Variants in ERC2 observed in about 807,000 individuals in gnomAD.
ERC2 encodes the protein ERC protein 2.
A neutral mutation model predicts 114.8 loss-of-function variants in ERC2; 42 were observed. That is an observed-to-expected ratio of 0.37 (90% CI 0.29 to 0.47). The LOEUF (loss-of-function observed/expected upper bound fraction) is 0.47, where lower values mean the gene tolerates loss of function less well. ERC2 is among the 20% of genes least tolerant of loss of function. The pLI is 0.99. For missense variants in ERC2, 939 were observed against 1,150.7 expected, an observed-to-expected ratio of 0.82 and a Z score of 2.66; for synonymous variants, 454 against 425.5, an observed-to-expected ratio of 1.07 and a Z score of -0.82.
chr3:55,747,052 C>A (rs1214067836), intron 14 of ERC2, among the ~76,000 whole-genome samples: 1 of 152,090 alleles, frequency 6.6e-6, no homozygotes, highest in African/African-American at 2.4e-5. Context: ...TCTGTAGTTA[C>A]ATCTCTAATA....
intron 14 of ERC2, among the ~76,000 whole-genome samples, chr3:55,810,319 A>G (rs981046274): frequency 1.3e-5 from 2 of 152,162 alleles, no homozygotes; most frequent in South Asian, 4.1e-4. Flanking sequence ...AAATATTTCT[A>G]TCTTTTTCTC....
intron 14 of ERC2, among the ~76,000 whole-genome samples, chr3:55,870,061 A>G (rs941766763): frequency 6.6e-6 from 1 of 151,264 alleles, no homozygotes; most frequent in African/African-American, 2.4e-5. Context: ...AAGTTGTTAT[A>G]GTATAAAAAA....
At chr3:55,966,093 G>A (rs1156479363) in intron 12 of ERC2, among the ~76,000 whole-genome samples, 1 of 152,122 alleles carries the variant, frequency 6.6e-6, no homozygotes, top group Non-Finnish European at 1.5e-5. Flanking sequence ...ACTAGCTCTA[G>A]GGTATGTTAA....
rs1044547148 is a variant in ERC2, at chr3:55,508,772, T to C, written c.*2544A>G. On this transcript the variant is annotated 3_prime_UTR_variant, in exon 18 of 18. Transcript: ENST00000288221. ...ACACGCTGTTAACGTGCATACTGGA[T>C]ACACAAAAATCATTAAATACAAAAT... The C allele has an allele frequency of 6.6e-6, 1 of 152,582 alleles. No homozygotes were observed. Among genetic ancestry groups the C allele is most frequent in the African/African-American group, 2.4e-5 (1 of 41,436 alleles). The allele number at this position is 152,582 out of a possible 1,614,324, so 9.5% of individuals were successfully genotyped here. A position where few individuals can be genotyped will look rare whatever the true frequency, so the allele number is the denominator to read the frequency against.
chr3:56,323,625 A>G (rs2057225739), intron 2 of ERC2, among the ~76,000 whole-genome samples: 1 of 152,198 alleles, frequency 6.6e-6, no homozygotes, highest in Non-Finnish European at 1.5e-5. Flanking sequence ...GGGGCTGATT[A>G]TTACACTGCA....
intron 17 of ERC2, among the ~76,000 whole-genome samples, chr3:55,657,028 C>T (rs374168679): frequency 3.3e-5 from 5 of 152,034 alleles, no homozygotes; most frequent in African/African-American, 1.2e-4. Flanking sequence ...ATTCCTGGCC[C>T]CACCTTCCCT....
intron 1 of ERC2, among the ~76,000 whole-genome samples, chr3:56,444,691 T>C (rs1358604554): frequency 2.0e-5 from 3 of 152,170 alleles, no homozygotes; most frequent in African/African-American, 7.2e-5. Flanking sequence ...GAACAGTCTA[T>C]TTTAAGACAA....
intron 14 of ERC2, among the ~76,000 whole-genome samples, chr3:55,781,846 G>A (rs993648306): frequency 4.0e-5 from 6 of 150,118 alleles, no homozygotes; most frequent in East Asian, 1.9e-4. Flanking sequence ...CACTCCCGCC[G>A]GGGCAACAAG....
chr3:55,684,375 C>T (rs973248812), intron 16 of ERC2, among the ~76,000 whole-genome samples: 24 of 152,048 alleles, frequency 1.6e-4, no homozygotes, highest in African/African-American at 5.8e-4. Context: ...ACTTTTTCAG[C>T]ATGCGATAAT....
At chr3:55,964,898 G>A (rs1483370422) in intron 12 of ERC2, among the ~76,000 whole-genome samples, 2 of 152,172 alleles carry the variant, frequency 1.3e-5, no homozygotes, top group African/African-American at 4.8e-5. Context: ...TCTCTGGTCT[G>A]AAAGGCCACC....
At chr3:55,818,312 T>A (rs1335050143) in intron 14 of ERC2, among the ~76,000 whole-genome samples, 2 of 152,136 alleles carry the variant, frequency 1.3e-5, no homozygotes, top group Non-Finnish European at 2.9e-5. Flanking sequence ...TTCATCAGAA[T>A]AGAGTAGGAG....
At chr3:56,314,806 G>A (rs2056786863) in intron 2 of ERC2, among the ~76,000 whole-genome samples, 1 of 152,112 alleles carries the variant, frequency 6.6e-6, no homozygotes, top group African/African-American at 2.4e-5. Context: ...GTTGACCACT[G>A]GTTGTCTGAA....
intron 17 of ERC2, among the ~76,000 whole-genome samples, chr3:55,676,441 C>CTTATTATTATTATTATTATTA (rs71619901): frequency 1.4e-5 from 2 of 142,200 alleles, no homozygotes; most frequent in Non-Finnish European, 3.0e-5. Flanking sequence ...TACTGAGCTG[C>CTTATTATTATTATTATTATTA]TTATTATTAT....
intron 7 of ERC2, among the ~76,000 whole-genome samples, chr3:56,029,251 T>C (rs2074235026): frequency 6.6e-6 from 1 of 150,960 alleles, no homozygotes; most frequent in South Asian, 2.1e-4. Context: ...CAGTCATCTA[T>C]AGGGTTGTTC....
intron 6 of ERC2, among the ~76,000 whole-genome samples, chr3:56,126,961 C>T (rs1400921749): frequency 2.6e-5 from 4 of 151,840 alleles, no homozygotes; most frequent in Non-Finnish European, 5.9e-5. Context: ...GAACTAATCA[C>T]CAAATTCAGT....
At chr3:55,751,596 C>A (rs1454474019) in intron 14 of ERC2, among the ~76,000 whole-genome samples, 1 of 152,136 alleles carries the variant, frequency 6.6e-6, no homozygotes, top group Non-Finnish European at 1.5e-5. Flanking sequence ...CTTCAATTAT[C>A]TGCTAGAGTA....
intron 14 of ERC2, among the ~76,000 whole-genome samples, chr3:55,823,780 T>G (rs1019308912): frequency 1.3e-5 from 2 of 152,206 alleles, no homozygotes; most frequent in African/African-American, 4.8e-5. Flanking sequence ...TTCTGTTTAA[T>G]GAAGAGTGAG....
At chr3:56,413,133 G>A (rs1435812019) in intron 2 of ERC2, among the ~76,000 whole-genome samples, 2 of 152,160 alleles carry the variant, frequency 1.3e-5, no homozygotes, top group African/African-American at 4.8e-5. Context: ...GGTCACTGTA[G>A]TGCAAAAGGC....
At chr3:55,758,862 C>T (rs1445668301) in intron 14 of ERC2, among the ~76,000 whole-genome samples, 1 of 152,110 alleles carries the variant, frequency 6.6e-6, no homozygotes, top group African/African-American at 2.4e-5. Flanking sequence ...AAGATCTCTA[C>T]CAACAAATAA....
Sources: gnomAD v4.1 joint callset for allele counts (sites outside exome capture counted in the v4.1 genomes callset) on GRCh38, gnomAD v4.1.1 for gene constraint, MANE v1.5 for transcripts, NCBI Gene and HGNC (gene_info 2026-07-23, HGNC 2026-07-21) for gene names.